GASK1B: variants seen among roughly 807,000 people sequenced by gnomAD.
GASK1B encodes golgi associated kinase 1B.
A neutral mutation model predicts 42.8 loss-of-function variants in GASK1B; 34 were observed. The observed-to-expected ratio is 0.79, with a 90% CI of 0.60 to 1.06. The LOEUF (loss-of-function observed/expected upper bound fraction) is 1.06. GASK1B is among the 50% of genes least tolerant of loss of function. The pLI, the probability that GASK1B is intolerant of heterozygous loss-of-function variation, is 0.00. For synonymous variants in GASK1B, 262 were observed against 259.1 expected, an observed-to-expected ratio of 1.01 and a Z score of -0.11; for missense variants, 686 against 661.0, an observed-to-expected ratio of 1.04 and a Z score of -0.42.
intron 3 of GASK1B, among the ~76,000 whole-genome samples, chr4:158,148,215 A>G (rs1049709847): frequency 1.7e-4 from 26 of 152,196 alleles, no homozygotes; most frequent in African/African-American, 6.0e-4. Flanking sequence ...CCCTGTCTCT[A>G]TTTTAAAAAA....
chr4:158,147,985 G>A (rs1234561804), intron 3 of GASK1B, among the ~76,000 whole-genome samples: 1 of 152,140 alleles, frequency 6.6e-6, no homozygotes, highest in African/African-American at 2.4e-5. Context: ...GCTGAGGTGG[G>A]TGGATCGCTT....
chr4:158,138,878 A>C (rs2110948089), intron 3 of GASK1B, among the ~76,000 whole-genome samples: 1 of 152,284 alleles, frequency 6.6e-6, no homozygotes, highest in East Asian at 1.9e-4. Context: ...TTATGAGTTA[A>C]ACTTTTCTTA....
At chr4:158,131,306 T>C (rs544806514) in intron 3 of GASK1B, among the ~76,000 whole-genome samples, 2 of 152,282 alleles carry the variant, frequency 1.3e-5, no homozygotes, top group African/African-American at 2.4e-5. Flanking sequence ...TACAGACACA[T>C]GGCCAGCACA....
At chr4:158,144,980 G>A (rs1048845424) in intron 3 of GASK1B, among the ~76,000 whole-genome samples, 12 of 152,174 alleles carry the variant, frequency 7.9e-5, no homozygotes, top group African/African-American at 2.4e-4. Flanking sequence ...GCACCTGACT[G>A]TGAGTGTGTT....
chr4:158,170,334 CG>C (rs748759943), intron 2 of GASK1B, 131 bp downstream of exon 2: 58 of 1,613,940 alleles, frequency 3.6e-5, no homozygotes, highest in Non-Finnish European at 4.4e-5. Context: ...TGGAAAGACA[CG>C]CTGCTGCTGC....
chr4:158,171,377 T>C lies in GASK1B; in HGVS notation c.-2A>G. 6.4e-7 allele frequency: 1 copy of C among 1,555,182 alleles called. No individual in the cohort carries two copies. The highest frequency in any genetic ancestry group is 1.2e-5 in the South Asian group (1 of 83,784). ...CCCCGGCTTGTCTGGACAGGTCATTTCTCTGCCGCATCCACATGTTGAACG... is the reference window on the plus strand; with the variant it reads ...CCCCGGCTTGTCTGGACAGGTCATTCCTCTGCCGCATCCACATGTTGAACG... On this transcript the variant is annotated 5_prime_UTR_variant, in exon 2 of 5. Coordinates refer to ENST00000585682, the MANE Select transcript of GASK1B (RefSeq NM_001128424.2).
At chr4:158,163,601 T>A (rs1198018125) in intron 2 of GASK1B, among the ~76,000 whole-genome samples, 1 of 152,074 alleles carries the variant, frequency 6.6e-6, no homozygotes, top group African/African-American at 2.4e-5. Context: ...TTAGTATGCG[T>A]TAAGCAATGT....
At chr4:158,142,502 A>G (rs1000360529) in intron 3 of GASK1B, among the ~76,000 whole-genome samples, 1 of 152,164 alleles carries the variant, frequency 6.6e-6, no homozygotes, top group African/African-American at 2.4e-5. Flanking sequence ...TTTTTTCTAT[A>G]TAAACTGTAC....
rs1730423548 is a variant in GASK1B at position 158,125,683 on chromosome 4, A to G, written c.*1724T>C. ...GAAGCAGAGGGAGACACTCGGGTCAATAGAGGGAAAATTGAAGAGGAAGAT... is the reference window on the plus strand; with the variant it reads ...GAAGCAGAGGGAGACACTCGGGTCAGTAGAGGGAAAATTGAAGAGGAAGAT... On this transcript the variant is annotated 3_prime_UTR_variant, in exon 5 of 5. Coordinates refer to ENST00000585682, the MANE Select transcript of GASK1B (RefSeq NM_001128424.2). The G allele has an allele frequency of 6.6e-6, 1 of 152,190 alleles. No homozygotes were observed. Among genetic ancestry groups the G allele is most frequent in the African/African-American group, 2.4e-5 (1 of 41,460 alleles). 9.4% of individuals were successfully genotyped at this position (152,190 alleles called of 1,614,324 possible). A position where few individuals can be genotyped will look rare whatever the true frequency, so the allele number is the denominator to read the frequency against.
In GASK1B at chr4:158,130,614, G is replaced by T. The variant is rs548877840; in HGVS notation, c.1352+172C>A. Among the ~76,000 whole-genome samples, 3 of 152,250 alleles carry T rather than the reference G, an allele frequency of 2.0e-5. No individual in the cohort carries two copies. The South Asian group carries it at 6.2e-4, about 32-fold the overall frequency. ...GATAGAGGCGCTATGGCTGCACTCT[G>T]GTTCTGTTCTTCTTGGGTTTGTTTC... On this transcript the variant is annotated intron_variant, in intron 4 of 4. Coordinates refer to ENST00000585682, the MANE Select transcript of GASK1B (RefSeq NM_001128424.2).
In GASK1B at chr4:158,171,235, G is replaced by A. The variant is rs1332069878; in HGVS notation, c.141C>T (p.Tyr47=). Residue 47 remains tyrosine (Y), a synonymous_variant, in exon 2 of 5, where the codon TAC becomes TAT. Coordinates refer to ENST00000585682, the MANE Select transcript of GASK1B (RefSeq NM_001128424.2). ...CCACCTGGCTCACCAGGAAGCCCAA[G>A]TAGATGGCACACGCAGTGCCCAGCA... ...NLLLGTACAI[Y]LGFLVSQVGR... 2 of 1,614,058 alleles carry A rather than the reference G, an allele frequency of 1.2e-6. No homozygotes were observed. Among genetic ancestry groups the A allele is most frequent in the African/African-American group, 1.3e-5 (1 of 75,070 alleles).
intron 3 of GASK1B, among the ~76,000 whole-genome samples, chr4:158,143,659 C>T (rs910652236): frequency 6.6e-6 from 1 of 152,052 alleles, no homozygotes; most frequent in African/African-American, 2.4e-5. Context: ...TAAAAGAGGA[C>T]ACAAAAATCT....
intron 1 of GASK1B, 116 bp from the exon 2 acceptor site, chr4:158,171,715 T>C (rs1732548393): frequency 1.1e-5 from 2 of 188,298 alleles, no homozygotes; most frequent in Admixed American, 6.0e-5. Flanking sequence ...CCACTAAATG[T>C]TTTTAAAAAT....
chr4:158,139,426 G>A (rs1194306142), intron 3 of GASK1B, among the ~76,000 whole-genome samples: 1 of 152,024 alleles, frequency 6.6e-6, no homozygotes. Flanking sequence ...TCCTTTTGTG[G>A]CAATCTCAAA....
At chr4:158,159,501 G>A in intron 2 of GASK1B, 1 of 442,706 alleles carries the variant, frequency 2.3e-6, no homozygotes, top group Non-Finnish European at 4.5e-6. Context: ...CAGGAAACTG[G>A]TTAAAGCAAC....
chr4:158,167,775 G>A lies in GASK1B; in HGVS notation c.910+2691C>T, dbSNP rs530064381. On this transcript the variant is annotated intron_variant, in intron 2 of 4. Coordinates refer to ENST00000585682, the MANE Select transcript of GASK1B (RefSeq NM_001128424.2). ...ATAGAGCAAGCTGAAAAAGATGCTG[G>A]GTAACTAGGTAAGATCTGTTGCCTC... Among the ~76,000 whole-genome samples, 9 of 152,194 alleles carry A rather than the reference G, an allele frequency of 5.9e-5. No homozygotes were observed. The South Asian group carries it at 1.9e-3, about 32-fold the overall frequency.
intron 3 of GASK1B, among the ~76,000 whole-genome samples, chr4:158,143,584 G>A (rs1731217594): frequency 6.6e-6 from 1 of 152,080 alleles, no homozygotes; most frequent in African/African-American, 2.4e-5. Flanking sequence ...AAAGTGACAG[G>A]AATGATTTTG....
intron 3 of GASK1B, among the ~76,000 whole-genome samples, chr4:158,150,171 C>A (rs867758496): frequency 2.6e-5 from 4 of 151,886 alleles, no homozygotes; most frequent in Non-Finnish European, 4.4e-5. Flanking sequence ...GTGATCTGCC[C>A]GCCTCGGCCT....
chr4:158,155,952 AT>A, intron 2 of GASK1B, 127 bp from the exon 3 acceptor site: 1 of 712,224 alleles, frequency 1.4e-6, no homozygotes, highest in Non-Finnish European at 2.3e-6. Context: ...ATCTGACAAT[AT>A]TTTATGATCT....
Sources: allele counts gnomAD v4.1 joint callset (sites outside exome capture counted in the v4.1 genomes callset), GRCh38; gene constraint gnomAD v4.1.1; transcripts MANE v1.5; gene names NCBI Gene and HGNC (gene_info 2026-07-23, HGNC 2026-07-21).